Variants in SAV1 observed in about 807,000 individuals in gnomAD.
SAV1 encodes the protein salvador family WW domain containing protein 1.
In SAV1, 23 loss-of-function variants were observed where a neutral mutation model predicts 47.3. That is an observed-to-expected ratio of 0.49 (90% CI 0.35 to 0.69). The LOEUF (loss-of-function observed/expected upper bound fraction) is 0.69, where lower values mean the gene tolerates loss of function less well. SAV1 is among the 30% of genes least tolerant of loss of function. The pLI, the probability that SAV1 is intolerant of heterozygous loss-of-function variation, is 0.01. For synonymous variants in SAV1, 155 were observed against 159.2 expected (o/e 0.97, Z 0.20); for missense variants, 448 against 457.4 (o/e 0.98, Z 0.19).
At chr14:50,663,510 T>C (rs1400368597) in intron 2 of SAV1, among the ~76,000 whole-genome samples, 1 of 152,380 alleles carries the variant, frequency 6.6e-6, no homozygotes, top group African/African-American at 2.4e-5. Flanking sequence ...TGCCTCTTAC[T>C]GCATTTCCAC....
intron 3 of SAV1, among the ~76,000 whole-genome samples, chr14:50,641,268 C>T (rs1478874356): frequency 6.6e-6 from 1 of 152,060 alleles, no homozygotes; most frequent in Non-Finnish European, 1.5e-5. Context: ...TATGTAGTGA[C>T]GCAGCAGTGA....
At chr14:50,655,954 A>G (rs570802305) in intron 2 of SAV1, among the ~76,000 whole-genome samples, 1 of 152,316 alleles carries the variant, frequency 6.6e-6, no homozygotes, top group African/African-American at 2.4e-5. Context: ...ATGAGGCAGA[A>G]GAATCACTTG....
chr14:50,665,219 G>A lies in SAV1; in HGVS notation c.495C>T (p.Leu165=), dbSNP rs763381881. 23 of 1,593,826 alleles carry A rather than the reference G, an allele frequency of 1.4e-5. No individual in the cohort carries two copies. Among genetic ancestry groups the A allele is most frequent in the Non-Finnish European group, 1.5e-5 (18 of 1,174,528 alleles). ...CCTGATTCTGTGGCATTCTTTGGAA[G>A]AGATCATGGTTGTATTCATAATATC... is the stretch of plus-strand genomic sequence containing the variant. ...DYRYYEYNHD[L]FQRMPQNQGR... is the part of the protein sequence containing the mutation. The change falls in exon 2 of 5, where the codon CTC becomes CTT. Residue 165 remains leucine, a synonymous_variant. Coordinates refer to ENST00000324679, the MANE Select transcript of SAV1 (RefSeq NM_021818.4).
intron 3 of SAV1, among the ~76,000 whole-genome samples, chr14:50,642,979 A>G (rs917330581): frequency 3.3e-5 from 5 of 152,188 alleles, no homozygotes; most frequent in African/African-American, 1.2e-4. Context: ...CTCAGCCTCC[A>G]TACTTGTAAA....
intron 3 of SAV1, among the ~76,000 whole-genome samples, chr14:50,642,402 T>C (rs1027442820): frequency 2.6e-5 from 4 of 151,532 alleles, no homozygotes; most frequent in African/African-American, 9.7e-5. Context: ...GGCAGGAGAA[T>C]TGCTTGAACC....
At chr14:50,648,408 G>A (rs748224439) in intron 2 of SAV1, among the ~76,000 whole-genome samples, 5 of 152,158 alleles carry the variant, frequency 3.3e-5, no homozygotes, top group Non-Finnish European at 7.3e-5. Flanking sequence ...ACTCAGAACT[G>A]TGTAACTTGA....
At chr14:50,645,813 T>C (rs762237340) in intron 2 of SAV1, among the ~76,000 whole-genome samples, 2 of 152,200 alleles carry the variant, frequency 1.3e-5, no homozygotes, top group African/African-American at 2.4e-5. Flanking sequence ...CTAGAATTAT[T>C]AAGTAAGCTT....
At chr14:50,641,391 TAA>T (rs33964457) in intron 3 of SAV1, among the ~76,000 whole-genome samples, 32 of 148,284 alleles carry the variant, frequency 2.2e-4, no homozygotes, top group Admixed American at 4.0e-4. Flanking sequence ...TCACAGAGAT[TAA>T]AAAAAAAAAA....
intron 2 of SAV1, among the ~76,000 whole-genome samples, chr14:50,662,159 G>GTTATTTAT (rs71443105): frequency 6.6e-6 from 1 of 150,472 alleles, no homozygotes; most frequent in Non-Finnish European, 1.5e-5. Context: ...TTGAAATCTT[G>GTTATTTAT]TTATTTATTT....
chr14:50,645,285 G>A (rs923267465), intron 2 of SAV1, among the ~76,000 whole-genome samples: 9 of 152,076 alleles, frequency 5.9e-5, no homozygotes, highest in African/African-American at 1.9e-4. Flanking sequence ...ACAACAGGTT[G>A]AGCATCCCTA....
At chr14:50,658,106 T>G (rs1269785915) in intron 2 of SAV1, among the ~76,000 whole-genome samples, 1 of 152,218 alleles carries the variant, frequency 6.6e-6, no homozygotes, top group African/African-American at 2.4e-5. Flanking sequence ...GCTTTCTCTC[T>G]TCCTCTGCAA....
At chr14:50,640,690 G>C in intron 4 of SAV1, 60 bp downstream of exon 4, 3 of 1,507,312 alleles carry the variant, frequency 2.0e-6, no homozygotes, top group Admixed American at 1.9e-5. Context: ...GAGCAGCCCA[G>C]AGACTCCATT....
At chr14:50,654,577 G>T (rs1004477744) in intron 2 of SAV1, among the ~76,000 whole-genome samples, 1 of 152,202 alleles carries the variant, frequency 6.6e-6, no homozygotes, top group Admixed American at 6.5e-5. Flanking sequence ...TTGAAATATT[G>T]CAAGAATTAC....
intron 2 of SAV1, among the ~76,000 whole-genome samples, chr14:50,653,316 T>A (rs2140257777): frequency 6.6e-6 from 1 of 152,326 alleles, no homozygotes; most frequent in South Asian, 2.1e-4. Context: ...TATCAATTCA[T>A]CATTCTGAAA....
At chr14:50,637,286 T>A (rs1047619289) in intron 4 of SAV1, among the ~76,000 whole-genome samples, 2 of 152,200 alleles carry the variant, frequency 1.3e-5, no homozygotes, top group South Asian at 2.1e-4. Flanking sequence ...ATTAGAGTGA[T>A]ACTGTAAGAA....
At chr14:50,646,681 G>A (rs1248289975) in intron 2 of SAV1, among the ~76,000 whole-genome samples, 3 of 107,702 alleles carry the variant, frequency 2.8e-5, no homozygotes, top group Non-Finnish European at 5.4e-5. Flanking sequence ...GTGAAACTCT[G>A]TCTCAAAAAA....
Position 50,645,020 on chromosome 14 carries a change from G to A in SAV1, c.536-6C>T. 6.3e-7 allele frequency: 1 copy of A among 1,599,276 alleles called. No individual in the cohort carries two copies. The highest frequency in any genetic ancestry group is 8.5e-7 in the Non-Finnish European group (1 of 1,176,202). On this transcript the variant is annotated splice_polypyrimidine_tract_variant and splice_region_variant and intron_variant, in intron 2 of 4. Coordinates refer to ENST00000324679, the MANE Select transcript of SAV1 (RefSeq NM_021818.4). Reference sequence around the variant, plus strand: ...AGCAGCAACTCTCCCAATACCTACGGGGAAAGAGAAAATGATAGAGAAGAA... The same window carrying A: ...AGCAGCAACTCTCCCAATACCTACGAGGAAAGAGAAAATGATAGAGAAGAA...
At chr14:50,654,673 A>T (rs897594949) in intron 2 of SAV1, among the ~76,000 whole-genome samples, 1 of 152,238 alleles carries the variant, frequency 6.6e-6, no homozygotes, top group Non-Finnish European at 1.5e-5. Context: ...GTATCTGCGA[A>T]ACACAATAGA....
rs2039921200 is a variant in SAV1 at position 50,668,125 on chromosome 14, A to T, written c.-158T>A. 5.4e-6 allele frequency: 2 copies of T among 371,020 alleles called. No individual in the cohort carries two copies. The highest frequency in any genetic ancestry group is 9.1e-6 in the Non-Finnish European group (2 of 219,124). 23.0% of individuals were successfully genotyped at this position (371,020 alleles called of 1,614,324 possible). On this transcript the variant is annotated 5_prime_UTR_variant, in exon 1 of 5. Coordinates refer to ENST00000324679, the MANE Select transcript of SAV1 (RefSeq NM_021818.4). Reference sequence around the variant, plus strand: ...CTGTCCGGAGCCCGGGGTCGCCCGCAGGGACTGCCGCATGTTCAGGGCGCT... The same window carrying T: ...CTGTCCGGAGCCCGGGGTCGCCCGCTGGGACTGCCGCATGTTCAGGGCGCT...
Sources: allele counts gnomAD v4.1 joint callset (sites outside exome capture counted in the v4.1 genomes callset), GRCh38; gene constraint gnomAD v4.1.1; transcripts MANE v1.5; gene names NCBI Gene and HGNC (gene_info 2026-07-23, HGNC 2026-07-21).